TAMM41: variants seen among roughly 807,000 people sequenced by gnomAD.
TAMM41 encodes phosphatidate cytidylyltransferase, mitochondrial.
Under a neutral mutation model 44.1 loss-of-function variants are expected in TAMM41, and 36 were observed. The observed-to-expected ratio is 0.82, with a 90% CI of 0.63 to 1.08. The LOEUF is 1.08. TAMM41 is among the 50% of genes least tolerant of loss of function. The probability of loss-of-function intolerance (pLI) is 0.00; values close to 1 mark genes in which losing one functional copy is unlikely to be tolerated. For missense variants in TAMM41, 417 were observed against 404.3 expected, an observed-to-expected ratio of 1.03 and a Z score of -0.27; for synonymous variants, 164 against 153.1, an observed-to-expected ratio of 1.07 and a Z score of -0.53.
chr3:11,844,211 T>A lies in TAMM41; in HGVS notation c.136A>T (p.Asn46Tyr). The A allele has an allele frequency of 1.2e-6, 2 of 1,612,192 alleles. No homozygotes were observed. The highest frequency in any genetic ancestry group is 4.5e-5 in the East Asian group (2 of 44,878). The change falls in exon 2 of 8, where the codon AAT (asparagine) becomes TAT (tyrosine). Residue 46 changes from asparagine to tyrosine, a missense_variant and splice_region_variant. Physicochemically the swap from Asn to Tyr is moderately radical, Grantham distance 143. Coordinates refer to ENST00000455809, the MANE Select transcript of TAMM41 (RefSeq NM_001284401.2). ...RQAGPSSDQK[N>Y]AMLDFVFTVD... ...GTGAACACAAAGTCCAGCATAGCAT[T>A]CTGTGGAGTGAAGAAAAGAGAATAA...
the TAMM41 span, among the ~76,000 whole-genome samples, chr3:11,783,660 A>T: frequency 1.3e-5 from 2 of 152,228 alleles, no homozygotes; most frequent in Non-Finnish European, 2.9e-5. Flanking sequence ...ACAGTTATCA[A>T]ATGGCAGTAA....
At chr3:11,838,749 T>C (rs2079297510) in intron 3 of TAMM41, among the ~76,000 whole-genome samples, 1 of 152,134 alleles carries the variant, frequency 6.6e-6, no homozygotes, top group Non-Finnish European at 1.5e-5. Flanking sequence ...GATTAAATCA[T>C]TGGCCGTTGG....
At chr3:11,798,845 G>C (rs2077675097) in intron 7 of TAMM41, among the ~76,000 whole-genome samples, 1 of 152,092 alleles carries the variant, frequency 6.6e-6, no homozygotes, top group Non-Finnish European at 1.5e-5. Context: ...TTAAAGAGAG[G>C]TCAGGAAACT....
intron 1 of TAMM41, among the ~76,000 whole-genome samples, 196 bp from the exon 2 acceptor site, chr3:11,844,407 T>C (rs2079581715): frequency 6.6e-6 from 1 of 152,228 alleles, no homozygotes; most frequent in South Asian, 2.1e-4. Flanking sequence ...AAACACTTCT[T>C]TAACATGTAT....
In TAMM41 at chr3:11,817,277, T is replaced by C. The variant is rs375125918; in HGVS notation, c.623A>G (p.Asn208Ser). Reference sequence around the variant, plus strand: ...ATAGAGCTCTCGAAAGTGGGCTATATTGGGCTTCACAATATTCAACACTTT... The same window carrying C: ...ATAGAGCTCTCGAAAGTGGGCTATACTGGGCTTCACAATATTCAACACTTT... ...KTKVLNIVKP[N>S]IAHFRELYGS... The change falls in exon 5 of 8, where the codon AAT becomes AGT. Residue 208 changes from asparagine to serine, a missense_variant. Physicochemically the swap from Asn to Ser is conservative, Grantham distance 46 (BLOSUM62 1). Transcript: ENST00000455809. The C allele has an allele frequency of 9.3e-6, 15 of 1,613,498 alleles. No homozygotes were observed. The highest frequency in any genetic ancestry group is 8.8e-5 in the South Asian group (8 of 91,030).
chr3:11,832,065 G>A (rs888267361), intron 3 of TAMM41, among the ~76,000 whole-genome samples: 2 of 152,152 alleles, frequency 1.3e-5, no homozygotes, highest in Non-Finnish European at 2.9e-5. Context: ...GGCAAATTCA[G>A]CTCTAAATAT....
chr3:11,740,400 A>G, the TAMM41 span, among the ~76,000 whole-genome samples: 1 of 152,046 alleles, frequency 6.6e-6, no homozygotes, highest in Non-Finnish European at 1.5e-5. Context: ...ATTTGCCCCA[A>G]TGGAAACATC....
the TAMM41 span, among the ~76,000 whole-genome samples, chr3:11,758,853 T>C: frequency 1.3e-5 from 2 of 151,900 alleles, no homozygotes; most frequent in Admixed American, 6.6e-5. Context: ...TTTGTATTTT[T>C]AGTAGAGATG....
intron 2 of TAMM41, among the ~76,000 whole-genome samples, chr3:11,839,858 T>C (rs2079356585): frequency 6.6e-6 from 1 of 152,172 alleles, no homozygotes; most frequent in Admixed American, 6.5e-5. Flanking sequence ...GAGACATGTG[T>C]CCAGAGGTCA....
At chr3:11,776,498 C>T in the TAMM41 span, among the ~76,000 whole-genome samples, 2 of 152,102 alleles carry the variant, frequency 1.3e-5, no homozygotes, top group African/African-American at 4.8e-5. Context: ...ACACAGTGCT[C>T]ACCACTGTGT....
At chr3:11,756,276 C>T in the TAMM41 span, among the ~76,000 whole-genome samples, 1 of 152,178 alleles carries the variant, frequency 6.6e-6, no homozygotes, top group Non-Finnish European at 1.5e-5. Flanking sequence ...ACTGTCTTTT[C>T]TCCTTTTCCA....
chr3:11,731,948 C>A, the TAMM41 span, among the ~76,000 whole-genome samples: 1 of 151,550 alleles, frequency 6.6e-6, no homozygotes, highest in Non-Finnish European at 1.5e-5. Flanking sequence ...CTCACTGCAA[C>A]CGCTGCCTCC....
At chr3:11,813,462 G>A (rs755992613) in intron 5 of TAMM41, among the ~76,000 whole-genome samples, 33 of 152,086 alleles carry the variant, frequency 2.2e-4, no homozygotes, top group Non-Finnish European at 3.5e-4. Context: ...CTTGGGAGGC[G>A]GAGGTTGCAG....
At chr3:11,781,837 T>C in the TAMM41 span, among the ~76,000 whole-genome samples, 1 of 152,000 alleles carries the variant, frequency 6.6e-6, no homozygotes. Context: ...TGGTGTGACC[T>C]TGGAAGTCAC....
the TAMM41 span, among the ~76,000 whole-genome samples, chr3:11,777,916 G>A: frequency 0.26 from 40,073 of 151,942 alleles, 6,503 homozygotes; most frequent in Admixed American, 0.39. Flanking sequence ...TCACTCCTAA[G>A]CCCCCAAGCC....
the TAMM41 span, among the ~76,000 whole-genome samples, chr3:11,724,635 C>T: frequency 4.0e-5 from 6 of 151,830 alleles, no homozygotes; most frequent in Non-Finnish European, 8.8e-5. Flanking sequence ...AAGTTGGTCT[C>T]GAACTCCTGA....
At chr3:11,802,767 A>G (rs2077790894) in intron 7 of TAMM41, among the ~76,000 whole-genome samples, 2 of 152,218 alleles carry the variant, frequency 1.3e-5, no homozygotes, top group Admixed American at 1.3e-4. Context: ...TTATAGACCA[A>G]TATCCCTGAT....
intron 5 of TAMM41, among the ~76,000 whole-genome samples, chr3:11,813,548 A>C (rs1186189537): frequency 2.6e-5 from 4 of 152,140 alleles, no homozygotes; most frequent in Non-Finnish European, 5.9e-5. Flanking sequence ...AAAACAAAAC[A>C]AAATAGCTAG....
At chr3:11,764,486 CTTTTTTTTTTTT>C in the TAMM41 span, among the ~76,000 whole-genome samples, 1 of 68,128 alleles carries the variant, frequency 1.5e-5, no homozygotes, top group East Asian at 5.2e-4. Flanking sequence ...TAATCTTATT[CTTTTTTTTTTTT>C]TTTTTTTTTT....
Sources: allele counts gnomAD v4.1 joint callset (sites outside exome capture counted in the v4.1 genomes callset), GRCh38; gene constraint gnomAD v4.1.1; transcripts MANE v1.5; gene names NCBI Gene and HGNC (gene_info 2026-07-23, HGNC 2026-07-21).